Variants in CROCC2 observed in about 807,000 individuals in gnomAD.
CROCC2 encodes ciliary rootlet coiled-coil, rootletin family member 2.
Under a neutral mutation model 177.6 loss-of-function variants are expected in CROCC2, and 163 were observed. The observed-to-expected ratio is 0.92, with a 90% CI of 0.81 to 1.05. The LOEUF (loss-of-function observed/expected upper bound fraction) is 1.05, where lower values mean the gene tolerates loss of function less well. CROCC2 is among the 50% of genes least tolerant of loss of function. The probability of loss-of-function intolerance (pLI) is 0.00; values close to 1 mark genes in which losing one functional copy is unlikely to be tolerated. For synonymous variants in CROCC2, 904 were observed against 787.3 expected, an observed-to-expected ratio of 1.15 and a Z score of -2.48; for missense variants, 1,929 against 1,797.8, an observed-to-expected ratio of 1.07 and a Z score of -1.32.
intron 20 of CROCC2, 153 bp from the exon 21 acceptor site, chr2:240,963,403 A>C: frequency 2.7e-6 from 2 of 745,956 alleles, no homozygotes; most frequent in Non-Finnish European, 4.2e-6. Flanking sequence ...AGCACTAGGG[A>C]TTGGTGGCTC....
At position 240,930,967 on chromosome 2, in the gene CROCC2, AGCCCGCCGCCTGCACACC is replaced by A; in HGVS notation, c.790_807del (p.Arg264_Ala269del). On this transcript the variant is annotated inframe_deletion, in exon 7 of 32. Coordinates refer to ENST00000690015, the MANE Select transcript of CROCC2 (RefSeq NM_001351305.2). ...ACCTGCAGGCAGACACGGCCAGGACAGCCCGCCGCCTGCACACCGCCTGCCTGAACCTCGACTCCAACC... is the reference window on the plus strand; with the variant it reads ...ACCTGCAGGCAGACACGGCCAGGACAGCCTGCCTGAACCTCGACTCCAACC... 1 of 715,036 alleles carries A rather than the reference AGCCCGCCGCCTGCACACC, an allele frequency of 1.4e-6. No homozygotes were observed. Among genetic ancestry groups the A allele is most frequent in the Non-Finnish European group, 2.6e-6 (1 of 384,558 alleles). The allele number at this position is 715,036 out of a possible 1,614,324, so 44.3% of individuals were successfully genotyped here. A position where few individuals can be genotyped will look rare whatever the true frequency, so the allele number is the denominator to read the frequency against.
In CROCC2 at chr2:240,920,001, C is replaced by T; in HGVS notation, c.248C>T (p.Thr83Ile). Residue 83 changes from threonine (T) to isoleucine (I), a missense_variant, in exon 3 of 32, where the codon ACA becomes ATA. By Grantham distance (89) the Thr-to-Ile change is moderately conservative. Transcript: ENST00000690015. ...CGTGCAGCAGGGGTACAGGAGCCGA[C>T]AGCCACTGTGGCCCGAGTGCAAGAG... ...EPPQAGVQEP[T>I]ATVARVQEEN... is the part of the protein sequence containing the mutation. 1.4e-6 allele frequency: 1 copy of T among 716,780 alleles called. No individual in the cohort carries two copies. The highest frequency in any genetic ancestry group is 1.5e-5 in the South Asian group (1 of 67,596). The allele number at this position is 716,780 out of a possible 1,614,324, so 44.4% of individuals were successfully genotyped here.
Position 240,968,221 on chromosome 2 carries a change from G to A in CROCC2, c.4360G>A (p.Ala1454Thr), listed in dbSNP as rs1424356120. 2.6e-6 allele frequency: 4 copies of A among 1,533,180 alleles called. No individual in the cohort carries two copies. Among genetic ancestry groups the A allele is most frequent in the Non-Finnish European group, 3.5e-6 (4 of 1,145,434 alleles). The allele number at this position is 1,533,180 out of a possible 1,614,324, so 95.0% of individuals were successfully genotyped here. Reference sequence around the variant, plus strand: ...CCGCAGGCTGGAGTTGGAGCACCTGGCGAGCGTGCGTGCGGCAGGCCAGGA... The same window carrying A: ...CCGCAGGCTGGAGTTGGAGCACCTGACGAGCGTGCGTGCGGCAGGCCAGGA... ...ALRRLELEHL[A>T]SVRAAGQEKR... The change falls in exon 27 of 32, where the codon GCG becomes ACG. Residue 1454 changes from alanine (A) to threonine (T), a missense_variant. Physicochemically the swap from Ala to Thr is moderately conservative, Grantham distance 58. Around this residue, in one of 3 missense-constraint regions of CROCC2, gnomAD observed 388 missense variants for 352.7 expected, o/e 1.10. Coordinates refer to ENST00000690015, the MANE Select transcript of CROCC2 (RefSeq NM_001351305.2).
chr2:240,949,098 G>T lies in CROCC2; in HGVS notation c.2482+1G>T. On this transcript the variant is annotated splice_donor_variant, in intron 16 of 31. Transcript: ENST00000690015. LOFTEE classifies it high-confidence loss of function. The surrounding 1 kb of genome is among the most constrained non-coding windows in gnomAD (Gnocchi z 4.5). The stretch of plus-strand genomic sequence containing the variant: ...GGACTCGCGCGGCAGGCCTTGCAAG[G>T]TGCTCCAAGGGCGCTCCCTCAGCTC... 3 of 1,536,296 alleles carry T rather than the reference G, an allele frequency of 2.0e-6. No homozygotes were observed. The highest frequency in any genetic ancestry group is 2.6e-6 in the Non-Finnish European group (3 of 1,141,678).
At position 240,960,384 on chromosome 2, in the gene CROCC2, T is replaced by C. The variant is rs1333990246; in HGVS notation, c.3087+940T>C. Among the ~76,000 whole-genome samples, 2 of 151,654 alleles carry C rather than the reference T, an allele frequency of 1.3e-5. No individual in the cohort carries two copies. The highest frequency in any genetic ancestry group is 2.4e-5 in the African/African-American group (1 of 41,212). ...GACACGGAGGCCCCCAGGAGCCACATGATGGTGACGTGGGGTGGGGGACAG... is the reference window on the plus strand; with the variant it reads ...GACACGGAGGCCCCCAGGAGCCACACGATGGTGACGTGGGGTGGGGGACAG... On this transcript the variant is annotated intron_variant, in intron 20 of 31. Coordinates refer to ENST00000690015, the MANE Select transcript of CROCC2 (RefSeq NM_001351305.2). The surrounding 1 kb of genome is among the most constrained non-coding windows in gnomAD (Gnocchi z 5.0).
chr2:240,937,969 G>A (rs143061788), intron 14 of CROCC2, among the ~76,000 whole-genome samples: 90 of 152,230 alleles, frequency 5.9e-4, no homozygotes, highest in African/African-American at 1.6e-3. Flanking sequence ...TTCACCTTCC[G>A]CCATGATTGT....
Position 240,958,777 on chromosome 2 carries a change from G to A in CROCC2, c.2944-524G>A, listed in dbSNP as rs61654403. 0.014 allele frequency among the ~76,000 whole-genome samples: 2,095 copies of A among 152,296 alleles called. 90 individuals carry two copies. In the East Asian group the frequency reaches 0.16, roughly 11 times the overall value. ...AGTGGGGAGGGCCTTGAGAGGAAGCGGGGTGGTGTCCCGAGGGGCCTGGGG... is the reference window on the plus strand; with the variant it reads ...AGTGGGGAGGGCCTTGAGAGGAAGCAGGGTGGTGTCCCGAGGGGCCTGGGG... On this transcript the variant is annotated intron_variant, in intron 19 of 31. Transcript: ENST00000690015. The surrounding 1 kb of genome is among the most constrained non-coding windows in gnomAD (Gnocchi z 6.7).
At chr2:240,943,365 A>G (rs926459058) in intron 14 of CROCC2, among the ~76,000 whole-genome samples, 1 of 151,872 alleles carries the variant, frequency 6.6e-6, no homozygotes, top group Non-Finnish European at 1.5e-5. Flanking sequence ...GCTCTCTGAT[A>G]TCCGCTCTTC....
At chr2:240,925,966 G>T in intron 5 of CROCC2, 86 bp downstream of exon 5, 2 of 620,146 alleles carry the variant, frequency 3.2e-6, no homozygotes, top group East Asian at 5.5e-5. Flanking sequence ...TGGTGAGGGT[G>T]CACTGGCTCA....
intron 28 of CROCC2, 95 bp from the exon 29 acceptor site, chr2:240,988,639 GAGTCC>G: frequency 8.3e-7 from 1 of 1,209,890 alleles, no homozygotes; most frequent in South Asian, 3.2e-5. Context: ...GGGGAATTCA[GAGTCC>G]TTCCCAGAGG....
At position 240,960,644 on chromosome 2, in the gene CROCC2, G is replaced by T. The variant is rs2059625494; in HGVS notation, c.3087+1200G>T. ...CCCTGGGCTGCTTGCCAAGGCTGGA[G>T]GCTGCGCAGCTGACCTGGTGCTGGA... is the stretch of plus-strand genomic sequence containing the variant. On this transcript the variant is annotated intron_variant, in intron 20 of 31. Coordinates refer to ENST00000690015, the MANE Select transcript of CROCC2 (RefSeq NM_001351305.2). This position sits in a 1 kb window ranked among gnomAD's most constrained non-coding sequence, Gnocchi z 5.0. Among the ~76,000 whole-genome samples the T allele has an allele frequency of 6.6e-6, 1 of 152,174 alleles. No individual in the cohort carries two copies. The highest frequency in any genetic ancestry group is 6.5e-5 in the Admixed American group (1 of 15,290).
rs7574965 is a variant in CROCC2 at position 240,930,976 on chromosome 2, C to T, written c.795C>T (p.Arg265=). 7,071 of 715,548 alleles carry T rather than the reference C, an allele frequency of 9.9e-3. 326 individuals carry two copies. The African/African-American group carries it at 0.11, about 11-fold the overall frequency. 44.3% of individuals were successfully genotyped at this position (715,548 alleles called of 1,614,324 possible). A position where few individuals can be genotyped will look rare whatever the true frequency, so the allele number is the denominator to read the frequency against. ...CAGACACGGCCAGGACAGCCCGCCG[C>T]CTGCACACCGCCTGCCTGAACCTCG... ...LQADTARTAR[R]LHTACLNLDS... is the part of the protein sequence containing the mutation. Residue 265 remains arginine, a synonymous_variant, in exon 7 of 32, where the codon CGC becomes CGT. Coordinates refer to ENST00000690015, the MANE Select transcript of CROCC2 (RefSeq NM_001351305.2).
At chr2:240,926,920 C>G (rs1372703428) in intron 5 of CROCC2, among the ~76,000 whole-genome samples, 1 of 152,374 alleles carries the variant, frequency 6.6e-6, no homozygotes, top group South Asian at 2.1e-4. Context: ...ACTGCCTGGT[C>G]CCTGTCCTTG....
chr2:240,978,004 G>A (rs1190182316), intron 27 of CROCC2, among the ~76,000 whole-genome samples: 6 of 42,012 alleles, frequency 1.4e-4, no homozygotes, highest in African/African-American at 2.7e-4. Context: ...AAGCTCTGGG[G>A]TAGGAGCCTC....
intron 27 of CROCC2, among the ~76,000 whole-genome samples, chr2:240,971,114 G>A (rs2059717604): frequency 6.6e-6 from 1 of 152,178 alleles, no homozygotes; most frequent in South Asian, 2.1e-4. Flanking sequence ...TGTGGCAGCA[G>A]CACCTGCACC....
At chr2:240,978,340 G>A (rs377718221) in intron 27 of CROCC2, among the ~76,000 whole-genome samples, 3 of 42,928 alleles carry the variant, frequency 7.0e-5, no homozygotes, top group African/African-American at 1.9e-4. Flanking sequence ...TGGAGCCCAG[G>A]CTCATCCCTG....
At position 240,966,220 on chromosome 2, in the gene CROCC2, C is replaced by A; in HGVS notation, c.3962-5C>A. Reference sequence around the variant, plus strand: ...CCACGACCCCTCCGCTGTCACCTCCCGCAGGCTCCGACAGCTCCCAGGCTC... The same window carrying A: ...CCACGACCCCTCCGCTGTCACCTCCAGCAGGCTCCGACAGCTCCCAGGCTC... On this transcript the variant is annotated splice_polypyrimidine_tract_variant and splice_region_variant and intron_variant, in intron 24 of 31. Transcript: ENST00000690015. 1.1e-6 allele frequency: 1 copy of A among 946,306 alleles called. No individual in the cohort carries two copies. The highest frequency in any genetic ancestry group is 1.4e-6 in the Non-Finnish European group (1 of 724,448). The allele number at this position is 946,306 out of a possible 1,614,324, so 58.6% of individuals were successfully genotyped here.
rs922036153 is a variant in CROCC2 at position 240,993,298 on chromosome 2, G to A, written c.*217G>A. 2 of 550,340 alleles carry A rather than the reference G, an allele frequency of 3.6e-6. No individual in the cohort carries two copies. The highest frequency in any genetic ancestry group is 3.8e-5 in the African/African-American group (2 of 52,562). The allele number at this position is 550,340 out of a possible 1,614,324, so 34.1% of individuals were successfully genotyped here. On this transcript the variant is annotated 3_prime_UTR_variant, in exon 32 of 32. Transcript: ENST00000690015. Reference sequence around the variant, plus strand: ...TCCGAATTTTGAATTTTAATAAATAGTTGAATCAGCGTAGGAGATGCTATT... The same window carrying A: ...TCCGAATTTTGAATTTTAATAAATAATTGAATCAGCGTAGGAGATGCTATT...
In CROCC2 at chr2:240,934,900, C is replaced by T. The variant is rs1035895790; in HGVS notation, c.1792-16C>T. 22 of 1,484,236 alleles carry T rather than the reference C, an allele frequency of 1.5e-5. No homozygotes were observed. The highest frequency in any genetic ancestry group is 1.9e-5 in the Non-Finnish European group (21 of 1,118,534). 91.9% of individuals were successfully genotyped at this position (1,484,236 alleles called of 1,614,324 possible). A position where few individuals can be genotyped will look rare whatever the true frequency, so the allele number is the denominator to read the frequency against. On this transcript the variant is annotated splice_polypyrimidine_tract_variant and intron_variant, in intron 12 of 31. Transcript: ENST00000690015. ...AAGCTGAAGGTCCCTCCCTGGCATCCCCCTCCCTGCCCCAGGCCGAGTGCA... is the reference window on the plus strand; with the variant it reads ...AAGCTGAAGGTCCCTCCCTGGCATCTCCCTCCCTGCCCCAGGCCGAGTGCA...
Sources: allele counts gnomAD v4.1 joint callset (sites outside exome capture counted in the v4.1 genomes callset), GRCh38; gene constraint gnomAD v4.1.1; regional missense constraint gnomAD v4.1.1; non-coding constraint Gnocchi (gnomAD v3.1); transcripts MANE v1.5; gene names NCBI Gene and HGNC (gene_info 2026-07-23, HGNC 2026-07-21).